The following NTM variants were observed in gnomAD, a reference collection of about 807,000 sequenced individuals.
The protein encoded by NTM is neurotrimin.
In NTM, 13 loss-of-function variants were observed where a neutral mutation model predicts 42.1. The ratio of observed to expected loss-of-function variants is 0.31; its 90% CI spans 0.20 to 0.49. The LOEUF (loss-of-function observed/expected upper bound fraction) is 0.49. Among genes scored for constraint, NTM ranks in the 20% least tolerant of loss-of-function variants. The pLI is 0.99. For synonymous variants in NTM, 187 were observed against 179.2 expected, an observed-to-expected ratio of 1.04 and a Z score of -0.35; for missense variants, 373 against 452.8, an observed-to-expected ratio of 0.82 and a Z score of 1.60.
intron 1 of NTM, among the ~76,000 whole-genome samples, chr11:131,841,998 T>A (rs2044316319): frequency 6.6e-6 from 1 of 152,286 alleles, no homozygotes; most frequent in African/African-American, 2.4e-5. Context: ...CCCACTACTG[T>A]CAAATTCCTA....
chr11:132,203,315 A>AT (rs147355651), intron 3 of NTM, among the ~76,000 whole-genome samples: 4,854 of 152,302 alleles, frequency 0.032, 117 homozygotes, highest in Non-Finnish European at 0.049. Flanking sequence ...AGGACATTTG[A>AT]TTAATGCTTT....
intron 2 of NTM, among the ~76,000 whole-genome samples, chr11:132,030,188 T>G (rs532584203): frequency 2.1e-4 from 32 of 152,174 alleles, no homozygotes; most frequent in Non-Finnish European, 3.7e-4. Context: ...GGCTTCATAA[T>G]GCCTAGCTTA....
intron 1 of NTM, among the ~76,000 whole-genome samples, chr11:131,698,712 C>T (rs2075748898): frequency 6.6e-6 from 1 of 152,212 alleles, no homozygotes; most frequent in Non-Finnish European, 1.5e-5. Context: ...AAAGTCAGAA[C>T]CAGCGCCCTC....
intron 1 of NTM, among the ~76,000 whole-genome samples, chr11:131,401,072 CAG>C (rs1272093748): frequency 6.7e-6 from 1 of 149,602 alleles, no homozygotes; most frequent in Non-Finnish European, 1.5e-5. Context: ...TTGAGACAAA[CAG>C]AGAGAGACAG....
At chr11:132,301,994 T>C (rs1447609968) in intron 4 of NTM, among the ~76,000 whole-genome samples, 1 of 152,214 alleles carries the variant, frequency 6.6e-6, no homozygotes, top group Non-Finnish European at 1.5e-5. Context: ...ATAAAGATTT[T>C]TAATGCCCAA....
intron 3 of NTM, among the ~76,000 whole-genome samples, chr11:132,182,680 C>T (rs2077751341): frequency 6.6e-6 from 1 of 152,222 alleles, no homozygotes; most frequent in Admixed American, 6.5e-5. Flanking sequence ...AGGATGCAGT[C>T]TGCATTGCTG....
intron 3 of NTM, among the ~76,000 whole-genome samples, chr11:132,180,438 C>T (rs572334316): frequency 1.3e-5 from 2 of 152,220 alleles, no homozygotes; most frequent in African/African-American, 2.4e-5. Flanking sequence ...GAAAAAAAGG[C>T]ACTTCAATCC....
intron 1 of NTM, among the ~76,000 whole-genome samples, chr11:131,872,344 CA>C (rs2047874549): frequency 6.6e-6 from 1 of 152,176 alleles, no homozygotes; most frequent in South Asian, 2.1e-4. Flanking sequence ...TAGATATTGA[CA>C]TACTGAGGAA....
chr11:131,895,969 T>G (rs1400604170), intron 1 of NTM, among the ~76,000 whole-genome samples: 1 of 152,138 alleles, frequency 6.6e-6, no homozygotes, highest in Non-Finnish European at 1.5e-5. Context: ...GTTACATGAG[T>G]GCAAAAATGA....
chr11:131,510,662 C>G (rs1302380042), intron 1 of NTM, among the ~76,000 whole-genome samples: 3 of 152,104 alleles, frequency 2.0e-5, no homozygotes, highest in Non-Finnish European at 4.4e-5. Flanking sequence ...ATTTTATGAC[C>G]ACTAGACGTT....
chr11:131,992,210 T>G (rs1241298781), intron 2 of NTM, among the ~76,000 whole-genome samples: 1 of 152,244 alleles, frequency 6.6e-6, no homozygotes, highest in Non-Finnish European at 1.5e-5. Context: ...AACTTTCACT[T>G]ACTGAATTGA....
At chr11:132,081,291 A>AAACAAT (rs1345267862) in intron 2 of NTM, among the ~76,000 whole-genome samples, 2 of 152,244 alleles carry the variant, frequency 1.3e-5, no homozygotes, top group African/African-American at 2.4e-5. Context: ...TACACTACAG[A>AAACAAT]AACAATAACC....
At chr11:131,399,198 C>A (rs1373816568) in intron 1 of NTM, among the ~76,000 whole-genome samples, 1 of 152,150 alleles carries the variant, frequency 6.6e-6, no homozygotes, top group Non-Finnish European at 1.5e-5. Context: ...TAGTTTGCTG[C>A]CAGGATGTTC....
intron 1 of NTM, among the ~76,000 whole-genome samples, chr11:131,696,680 TA>T (rs909233785): frequency 6.6e-6 from 1 of 152,176 alleles, no homozygotes; most frequent in African/African-American, 2.4e-5. Flanking sequence ...AGAATTGGCA[TA>T]AATAATAGCA....
chr11:131,552,478 C>A (rs1223061072), intron 1 of NTM, among the ~76,000 whole-genome samples: 1 of 146,650 alleles, frequency 6.8e-6, no homozygotes, highest in Non-Finnish European at 1.5e-5. Context: ...CACCTCCAGC[C>A]TGGGCGACAG....
chr11:131,430,452 C>T (rs937625527), intron 1 of NTM, among the ~76,000 whole-genome samples: 3 of 152,104 alleles, frequency 2.0e-5, no homozygotes, highest in African/African-American at 4.8e-5. Context: ...GGTATGAGGA[C>T]TTGCTTTCTC....
At chr11:132,109,709 G>T (rs1043667439) in intron 2 of NTM, among the ~76,000 whole-genome samples, 1 of 152,042 alleles carries the variant, frequency 6.6e-6, no homozygotes, top group African/African-American at 2.4e-5. Context: ...GCTCCGGGAC[G>T]CCACATTTTC....
chr11:131,668,226 A>T (rs1225852185), intron 1 of NTM, among the ~76,000 whole-genome samples: 1 of 151,122 alleles, frequency 6.6e-6, no homozygotes, highest in Non-Finnish European at 1.5e-5. Flanking sequence ...TGTGTCATGC[A>T]TATATGTGTG....
intron 1 of NTM, among the ~76,000 whole-genome samples, chr11:131,417,264 C>G (rs914168851): frequency 2.0e-5 from 3 of 152,190 alleles, no homozygotes; most frequent in African/African-American, 7.2e-5. Flanking sequence ...ACAGCGAAAA[C>G]CTACCCAAAC....
Sources: gnomAD v4.1 joint callset for allele counts (sites outside exome capture counted in the v4.1 genomes callset) on GRCh38, gnomAD v4.1.1 for gene constraint, MANE v1.5 for transcripts, NCBI Gene and HGNC (gene_info 2026-07-23, HGNC 2026-07-21) for gene names.